Variants in HILPDA observed in about 807,000 individuals in gnomAD.
HILPDA encodes hypoxia-inducible lipid droplet-associated protein.
For missense variants in HILPDA, 72 were observed against 73.5 expected, an observed-to-expected ratio of 0.98 and a Z score of 0.08; for synonymous variants, 37 against 33.2, an observed-to-expected ratio of 1.12 and a Z score of -0.40.
chr7:128,457,277 T>C lies in HILPDA; in HGVS notation c.9T>C (p.His3=). 1 of 1,609,892 alleles carries C rather than the reference T, an allele frequency of 6.2e-7. No individual in the cohort carries two copies. The highest frequency in any genetic ancestry group is 8.5e-7 in the Non-Finnish European group (1 of 1,176,564). MK[H]VLNLYLLGVV... ...GTAGGGTCCTTTCAGCCATGAAGCA[T>C]GTGTTGAACCTCTACCTGTTAGGTG... Residue 3 remains histidine, a synonymous_variant, in exon 2 of 2, where the codon CAT becomes CAC. Transcript: ENST00000257696.
At chr7:128,457,147 A>C in intron 1 of HILPDA, 54 bp from the exon 2 acceptor site, 1 of 757,090 alleles carries the variant, frequency 1.3e-6, no homozygotes, top group South Asian at 1.9e-5. Flanking sequence ...TCAGGGCTGG[A>C]TGCATGCATA....
In HILPDA at chr7:128,457,682, T is replaced by C; in HGVS notation, c.*222T>C. ...ATCCTAGCACTTTGGGAGGCTGAGG[T>C]GGGTGGATCACCTGAGGTCAGGAGT... On this transcript the variant is annotated 3_prime_UTR_variant, in exon 2 of 2. Transcript: ENST00000257696. 2.2e-6 allele frequency: 1 copy of C among 444,932 alleles called. No individual in the cohort carries two copies. The highest frequency in any genetic ancestry group is 2.0e-5 in the African/African-American group (1 of 51,096). 27.6% of individuals were successfully genotyped at this position (444,932 alleles called of 1,614,324 possible). A position where few individuals can be genotyped will look rare whatever the true frequency, so the allele number is the denominator to read the frequency against.
rs1053100906 is a variant in HILPDA, at chr7:128,457,118, C to G, written c.-68-83C>G. On this transcript the variant is annotated intron_variant, in intron 1 of 1. Transcript: ENST00000257696. The stretch of plus-strand genomic sequence containing the variant: ...CACTGGCTAAGCCTCTCCTTCAGCC[C>G]TGTGAGAGGACAGAAGAGTCAGGGC... The G allele has an allele frequency of 1.6e-4, 96 of 591,780 alleles. No homozygotes were observed. In the African/African-American group the frequency reaches 1.7e-3, roughly 10 times the overall value. The allele number at this position is 591,780 out of a possible 1,614,324, so 36.7% of individuals were successfully genotyped here.
chr7:128,457,285 A>G lies in HILPDA; in HGVS notation c.17A>G (p.Asn6Ser). The change falls in exon 2 of 2, where the codon AAC (asparagine) becomes AGC (serine). Residue 6 changes from asparagine to serine, a missense_variant. Physicochemically the swap from Asn to Ser is conservative, Grantham distance 46. Coordinates refer to ENST00000257696, the MANE Select transcript of HILPDA (RefSeq NM_013332.4). ...CTTTCAGCCATGAAGCATGTGTTGA[A>G]CCTCTACCTGTTAGGTGTGGTACTG... Reference protein sequence around the residue: MKHVLNLYLLGVVLTL... With the variant: MKHVLSLYLLGVVLTL... The G allele has an allele frequency of 2.5e-6, 4 of 1,612,372 alleles. No individual in the cohort carries two copies. Among genetic ancestry groups the G allele is most frequent in the African/African-American group, 1.3e-5 (1 of 74,882 alleles).
At chr7:128,456,393 A>G (rs1799541541) in intron 1 of HILPDA, 1 of 166,860 alleles carries the variant, frequency 6.0e-6, no homozygotes, top group East Asian at 1.8e-4. Flanking sequence ...GCAGATATTC[A>G]TGGTATGTTT....
chr7:128,457,200 G>T lies in HILPDA; in HGVS notation c.-68-1G>T. On this transcript the variant is annotated splice_acceptor_variant, in intron 1 of 1. Coordinates refer to ENST00000257696, the MANE Select transcript of HILPDA (RefSeq NM_013332.4). LOFTEE classifies it low-confidence loss of function (5UTR_SPLICE). ...ATTCATCCTTTCCTCTTTTTTCTCA[G>T]GGTCCAGAGGCCTTTCAGAAGGAGA... is the stretch of plus-strand genomic sequence containing the variant. 1.5e-6 allele frequency: 2 copies of T among 1,324,756 alleles called. No individual in the cohort carries two copies. Among genetic ancestry groups the T allele is most frequent in the Non-Finnish European group, 2.1e-6 (2 of 952,820 alleles). The allele number at this position is 1,324,756 out of a possible 1,614,324, so 82.1% of individuals were successfully genotyped here.
rs893417309 is a variant in HILPDA, at chr7:128,458,375, T to G, written c.*915T>G. On this transcript the variant is annotated 3_prime_UTR_variant, in exon 2 of 2. Transcript: ENST00000257696. The stretch of plus-strand genomic sequence containing the variant: ...ATGGACATTGTGGCCACCATGTGGC[T>G]TAAATGATTTTTTCTAACTAATAAA... The G allele has an allele frequency of 1.8e-5, 3 of 167,120 alleles. No homozygotes were observed. Among genetic ancestry groups the G allele is most frequent in the East Asian group, 1.9e-4 (1 of 5,210 alleles). The allele number at this position is 167,120 out of a possible 1,614,324, so 10.4% of individuals were successfully genotyped here.
At chr7:128,457,116 C>A in intron 1 of HILPDA, 85 bp from the exon 2 acceptor site, 1 of 582,836 alleles carries the variant, frequency 1.7e-6, no homozygotes, top group Non-Finnish European at 3.0e-6. Context: ...TCTCCTTCAG[C>A]CCTGTGAGAG....
intron 1 of HILPDA, 21 bp downstream of exon 1, chr7:128,456,044 C>T (rs900812548): frequency 6.6e-6 from 3 of 452,410 alleles, no homozygotes; most frequent in Non-Finnish European, 8.9e-6. Flanking sequence ...CTGTGGGCTT[C>T]CCCGGCTCCC....
intron 1 of HILPDA, chr7:128,456,817 A>G (rs1162634757): frequency 6.5e-6 from 1 of 153,880 alleles, no homozygotes; most frequent in Non-Finnish European, 1.4e-5. Context: ...ATGTGCCACT[A>G]TGCCCGGCTA....
chr7:128,456,531 C>T (rs1799543502), intron 1 of HILPDA: 1 of 155,650 alleles, frequency 6.4e-6, no homozygotes, highest in Non-Finnish European at 1.4e-5. Flanking sequence ...AGGGCATGTT[C>T]TTATATTTCC....
Position 128,455,996 on chromosome 7 carries a change from C to T in HILPDA, c.-96C>T. 4 of 456,478 alleles carry T rather than the reference C, an allele frequency of 8.8e-6. No homozygotes were observed. Among genetic ancestry groups the T allele is most frequent in the Non-Finnish European group, 1.3e-5 (3 of 226,894 alleles). The allele number at this position is 456,478 out of a possible 1,614,324, so 28.3% of individuals were successfully genotyped here. A position where few individuals can be genotyped will look rare whatever the true frequency, so the allele number is the denominator to read the frequency against. ...CTGCACGACCTGCTCCTACAGCCGG[C>T]GATCCACTCCCGGCTGTTCCCCCGG... On this transcript the variant is annotated 5_prime_UTR_variant, in exon 1 of 2. Coordinates refer to ENST00000257696, the MANE Select transcript of HILPDA (RefSeq NM_013332.4).
In HILPDA at chr7:128,457,551, C is replaced by G. The variant is rs77087205; in HGVS notation, c.*91C>G. ...CATTCCTAGCAGACAAGCTGAGCACCGTTGTAACCAGAGAACTATTACTAG... is the reference window on the plus strand; with the variant it reads ...CATTCCTAGCAGACAAGCTGAGCACGGTTGTAACCAGAGAACTATTACTAG... On this transcript the variant is annotated 3_prime_UTR_variant, in exon 2 of 2. Transcript: ENST00000257696. 1 of 1,189,024 alleles carries G rather than the reference C, an allele frequency of 8.4e-7. No individual in the cohort carries two copies. The highest frequency in any genetic ancestry group is 2.4e-5 in the East Asian group (1 of 42,476). The allele number at this position is 1,189,024 out of a possible 1,614,324, so 73.7% of individuals were successfully genotyped here. A position where few individuals can be genotyped will look rare whatever the true frequency, so the allele number is the denominator to read the frequency against.
rs186367234 is a variant in HILPDA at position 128,457,328 on chromosome 7, C to T, written c.60C>T (p.Phe20=). The T allele has an allele frequency of 2.5e-5, 40 of 1,613,832 alleles. No individual in the cohort carries two copies. Among genetic ancestry groups the T allele is most frequent in the East Asian group, 2.2e-5 (1 of 44,886 alleles). Residue 20 remains phenylalanine, a synonymous_variant, in exon 2 of 2, where the codon TTC becomes TTT. Coordinates refer to ENST00000257696, the MANE Select transcript of HILPDA (RefSeq NM_013332.4). ...LGVVLTLLSI[F]VRVMESLEGL... ...TGGTACTGACCCTACTCTCCATCTT[C>T]GTTAGAGTGATGGAGTCCCTAGAGG...
At position 128,456,012 on chromosome 7, in the gene HILPDA, G is replaced by C. The variant is rs1290975687; in HGVS notation, c.-80G>C. The C allele has an allele frequency of 2.2e-6, 1 of 456,314 alleles. No individual in the cohort carries two copies. Among genetic ancestry groups the C allele is most frequent in the Non-Finnish European group, 4.4e-6 (1 of 226,860 alleles). The allele number at this position is 456,314 out of a possible 1,614,324, so 28.3% of individuals were successfully genotyped here. A position where few individuals can be genotyped will look rare whatever the true frequency, so the allele number is the denominator to read the frequency against. On this transcript the variant is annotated 5_prime_UTR_variant, in exon 1 of 2. Transcript: ENST00000257696. The stretch of plus-strand genomic sequence containing the variant: ...TACAGCCGGCGATCCACTCCCGGCT[G>C]TTCCCCCGGAGGTGAGCGGCCCTGT...
rs755021166 is a variant in HILPDA at position 128,457,507 on chromosome 7, C to T, written c.*47C>T. ...CCATATTTTGGAACACTGACCTAGACATGTCCAGATGGGAGTCCCATTCCT... is the reference window on the plus strand; with the variant it reads ...CCATATTTTGGAACACTGACCTAGATATGTCCAGATGGGAGTCCCATTCCT... On this transcript the variant is annotated 3_prime_UTR_variant, in exon 2 of 2. Coordinates refer to ENST00000257696, the MANE Select transcript of HILPDA (RefSeq NM_013332.4). 2 of 1,545,428 alleles carry T rather than the reference C, an allele frequency of 1.3e-6. No individual in the cohort carries two copies. Among genetic ancestry groups the T allele is most frequent in the Admixed American group, 3.4e-5 (2 of 59,580 alleles).
At position 128,457,547 on chromosome 7, in the gene HILPDA, G is replaced by A; in HGVS notation, c.*87G>A. ...GTCCCATTCCTAGCAGACAAGCTGA[G>A]CACCGTTGTAACCAGAGAACTATTA... On this transcript the variant is annotated 3_prime_UTR_variant, in exon 2 of 2. Coordinates refer to ENST00000257696, the MANE Select transcript of HILPDA (RefSeq NM_013332.4). 1 of 1,242,234 alleles carries A rather than the reference G, an allele frequency of 8.1e-7. No individual in the cohort carries two copies. Among genetic ancestry groups the A allele is most frequent in the Non-Finnish European group, 1.2e-6 (1 of 856,650 alleles). The allele number at this position is 1,242,234 out of a possible 1,614,324, so 77.0% of individuals were successfully genotyped here.
Position 128,457,616 on chromosome 7 carries a change from G to A in HILPDA, c.*156G>A, listed in dbSNP as rs1160214212. Reference sequence around the variant, plus strand: ...GTCTAACTGGATGCTCATTGCCTGGGCAAGGCCTGTTTAGGCCGGTTGCGG... The same window carrying A: ...GTCTAACTGGATGCTCATTGCCTGGACAAGGCCTGTTTAGGCCGGTTGCGG... On this transcript the variant is annotated 3_prime_UTR_variant, in exon 2 of 2. Transcript: ENST00000257696. 3 of 740,900 alleles carry A rather than the reference G, an allele frequency of 4.0e-6. No individual in the cohort carries two copies. The East Asian group carries it at 8.2e-5, about 20-fold the overall frequency. The allele number at this position is 740,900 out of a possible 1,614,324, so 45.9% of individuals were successfully genotyped here. A position where few individuals can be genotyped will look rare whatever the true frequency, so the allele number is the denominator to read the frequency against.
In HILPDA at chr7:128,457,644, G is replaced by A. The variant is rs1247455329; in HGVS notation, c.*184G>A. 1 of 588,112 alleles carries A rather than the reference G, an allele frequency of 1.7e-6. No individual in the cohort carries two copies. Among genetic ancestry groups the A allele is most frequent in the East Asian group, 3.0e-5 (1 of 33,564 alleles). The allele number at this position is 588,112 out of a possible 1,614,324, so 36.4% of individuals were successfully genotyped here. A position where few individuals can be genotyped will look rare whatever the true frequency, so the allele number is the denominator to read the frequency against. ...AGGCCTGTTTAGGCCGGTTGCGGTG[G>A]CTCATGCCTGTAATCCTAGCACTTT... is the stretch of plus-strand genomic sequence containing the variant. On this transcript the variant is annotated 3_prime_UTR_variant, in exon 2 of 2. Coordinates refer to ENST00000257696, the MANE Select transcript of HILPDA (RefSeq NM_013332.4).
Sources: allele counts gnomAD v4.1 joint callset, GRCh38; gene constraint gnomAD v4.1.1; transcripts MANE v1.5; gene names NCBI Gene and HGNC (gene_info 2026-07-23, HGNC 2026-07-21).